NUGGC: variants seen among roughly 807,000 people sequenced by gnomAD.
NUGGC encodes nuclear GTPase SLIP-GC.
NUGGC carries 58 observed loss-of-function variants against 92.6 expected under a neutral mutation model. The observed-to-expected ratio is 0.63, with a 90% CI of 0.51 to 0.78. The LOEUF (loss-of-function observed/expected upper bound fraction) is 0.78, where lower values mean the gene tolerates loss of function less well. NUGGC is among the 30% of genes least tolerant of loss of function. The pLI is 0.00. For synonymous variants in NUGGC, 376 were observed against 366.4 expected, an observed-to-expected ratio of 1.03 and a Z score of -0.30; for missense variants, 925 against 964.6, an observed-to-expected ratio of 0.96 and a Z score of 0.54.
At chr8:28,070,227 A>G (rs754534520) in intron 3 of NUGGC, 25 bp downstream of exon 3, 1 of 1,526,432 alleles carries the variant, frequency 6.6e-7, no homozygotes, top group Non-Finnish European at 8.9e-7. Flanking sequence ...GAACCATGTT[A>G]AAACAACAGT....
In NUGGC at chr8:28,022,062, T is replaced by C. The variant is rs772866878; in HGVS notation, c.*1255A>G. 1.8e-4 allele frequency: 27 copies of C among 152,042 alleles called. No individual in the cohort carries two copies. The highest frequency in any genetic ancestry group is 1.1e-3 in the Admixed American group (17 of 15,276). The allele number at this position is 152,042 out of a possible 1,614,324, so 9.4% of individuals were successfully genotyped here. On this transcript the variant is annotated 3_prime_UTR_variant, in exon 19 of 19. Transcript: ENST00000413272. ...TTATTGAAGGATGAATTTCTTTTTATGGCTTGTTTTATATCGTGCAATGTT... is the reference window on the plus strand; with the variant it reads ...TTATTGAAGGATGAATTTCTTTTTACGGCTTGTTTTATATCGTGCAATGTT...
At chr8:28,036,532 G>A (rs1315615820) in intron 13 of NUGGC, among the ~76,000 whole-genome samples, 2 of 152,270 alleles carry the variant, frequency 1.3e-5, no homozygotes, top group East Asian at 3.9e-4. Context: ...CCATGAAACA[G>A]TAAATACATA....
Position 28,045,610 on chromosome 8 carries a change from T to C in NUGGC, c.1363A>G (p.Lys455Glu). ...GTCACATACTTGGTCACTGTCCTCTTCTTCTTGTCCAAGAGGCTCTTCCTG... is the reference window on the plus strand; with the variant it reads ...GTCACATACTTGGTCACTGTCCTCTCCTTCTTGTCCAAGAGGCTCTTCCTG... ...YIRKSLLDKK[K>E]RTVTKYVTEA... is the part of the protein sequence containing the mutation. Residue 455 changes from lysine (K) to glutamate (E), a missense_variant, in exon 12 of 19, where the codon AAG becomes GAG. Lys to Glu is a moderately conservative substitution (Grantham distance 56). Coordinates refer to ENST00000413272, the MANE Select transcript of NUGGC (RefSeq NM_001010906.2). The C allele has an allele frequency of 6.2e-7, 1 of 1,613,288 alleles. No individual in the cohort carries two copies. The highest frequency in any genetic ancestry group is 8.5e-7 in the Non-Finnish European group (1 of 1,179,698).
At chr8:28,056,791 T>G (rs1585582832) in intron 9 of NUGGC, among the ~76,000 whole-genome samples, 1 of 152,200 alleles carries the variant, frequency 6.6e-6, no homozygotes, top group Admixed American at 6.5e-5. Flanking sequence ...CATGGCACCA[T>G]TGGCAGTCAA....
At chr8:28,049,146 C>G (rs1809924339) in intron 10 of NUGGC, among the ~76,000 whole-genome samples, 1 of 152,194 alleles carries the variant, frequency 6.6e-6, no homozygotes, top group South Asian at 2.1e-4. Context: ...TTGCAGTCCA[C>G]TGGGACTGGT....
At chr8:28,038,194 C>T (rs1809604672) in intron 13 of NUGGC, among the ~76,000 whole-genome samples, 5 of 152,140 alleles carry the variant, frequency 3.3e-5, no homozygotes, top group Non-Finnish European at 1.5e-5. Context: ...TTCCAGCCTG[C>T]CACAGCCCCC....
At chr8:28,029,962 A>G in intron 16 of NUGGC, among the ~76,000 whole-genome samples, 1 of 152,218 alleles carries the variant, frequency 6.6e-6, no homozygotes, top group East Asian at 1.9e-4. Context: ...CCACCAAAAC[A>G]GGAAAGAGCC....
chr8:28,070,055 A>G (rs1810547261), intron 3 of NUGGC, 197 bp downstream of exon 3: 1 of 971,154 alleles, frequency 1.0e-6, no homozygotes, highest in Non-Finnish European at 1.2e-6. Context: ...TTTGATAACA[A>G]CCCTCCTGCC....
chr8:28,074,665 G>T (rs569833285), intron 1 of NUGGC, among the ~76,000 whole-genome samples: 1 of 152,146 alleles, frequency 6.6e-6, no homozygotes, highest in Non-Finnish European at 1.5e-5. Context: ...TAGGCCAGGC[G>T]CAGTGGCTCA....
chr8:28,037,478 T>C (rs911820843), intron 13 of NUGGC, among the ~76,000 whole-genome samples: 1 of 152,084 alleles, frequency 6.6e-6, no homozygotes, highest in Non-Finnish European at 1.5e-5. Flanking sequence ...CAACCTCCTC[T>C]CTAGAAGGTT....
rs745317360 is a variant in NUGGC at position 28,060,532 on chromosome 8, C to T, written c.991G>A (p.Glu331Lys). 9.3e-6 allele frequency: 15 copies of T among 1,613,706 alleles called. No homozygotes were observed. Among genetic ancestry groups the T allele is most frequent in the East Asian group, 6.7e-5 (3 of 44,874 alleles). Reference protein sequence around the residue: ...IERVSGGQAHEDLLNESIKAC... With the variant: ...IERVSGGQAHKDLLNESIKAC... ...TTGATGCTCTCATTCAGAAGGTCTTCGTGGGCTTGCCCCCCAGAAACTCGC... is the reference window on the plus strand; with the variant it reads ...TTGATGCTCTCATTCAGAAGGTCTTTGTGGGCTTGCCCCCCAGAAACTCGC... Residue 331 changes from glutamate to lysine, a missense_variant, in exon 8 of 19, where the codon GAA becomes AAA. By Grantham distance (56) the Glu-to-Lys change is moderately conservative. Coordinates refer to ENST00000413272, the MANE Select transcript of NUGGC (RefSeq NM_001010906.2).
chr8:28,067,115 C>T (rs1428920122), intron 6 of NUGGC, among the ~76,000 whole-genome samples: 1 of 152,160 alleles, frequency 6.6e-6, no homozygotes, highest in Non-Finnish European at 1.5e-5. Flanking sequence ...CAAAGGGAGC[C>T]AGAGATGCTG....
At chr8:28,060,806 C>T (rs1810284787) in intron 7 of NUGGC, among the ~76,000 whole-genome samples, 1 of 152,202 alleles carries the variant, frequency 6.6e-6, no homozygotes, top group Admixed American at 6.5e-5. Flanking sequence ...CAGCCTCTGC[C>T]TAGCCCCCAT....
chr8:28,063,172 G>T (rs1192686072), intron 7 of NUGGC, among the ~76,000 whole-genome samples: 1 of 152,174 alleles, frequency 6.6e-6, no homozygotes, highest in Non-Finnish European at 1.5e-5. Flanking sequence ...GCAGAGGGGG[G>T]TCTTGAGTAA....
At chr8:28,064,076 C>G (rs901286732) in intron 7 of NUGGC, among the ~76,000 whole-genome samples, 1 of 152,192 alleles carries the variant, frequency 6.6e-6, no homozygotes, top group African/African-American at 2.4e-5. Flanking sequence ...CCCATTCACC[C>G]AGGAAGATTC....
chr8:28,059,752 T>G (rs755402065), intron 8 of NUGGC, among the ~76,000 whole-genome samples: 2 of 152,142 alleles, frequency 1.3e-5, no homozygotes, highest in African/African-American at 2.4e-5. Context: ...CTGGGTGCAG[T>G]GGCTCACACC....
intron 10 of NUGGC, among the ~76,000 whole-genome samples, chr8:28,047,982 C>A (rs2130151116): frequency 6.6e-6 from 1 of 152,324 alleles, no homozygotes; most frequent in South Asian, 2.1e-4. Context: ...CTGCAGCCAG[C>A]TCGTACCAGC....
intron 12 of NUGGC, among the ~76,000 whole-genome samples, chr8:28,043,343 T>C (rs978476887): frequency 4.6e-5 from 7 of 152,206 alleles, no homozygotes; most frequent in Non-Finnish European, 7.3e-5. Context: ...AAATAATGAT[T>C]GCTCATTTAA....
intron 10 of NUGGC, among the ~76,000 whole-genome samples, chr8:28,048,941 G>A (rs1047018401): frequency 6.6e-6 from 1 of 151,350 alleles, no homozygotes; most frequent in Non-Finnish European, 1.5e-5. Flanking sequence ...ACAGTGTCGT[G>A]GAGAAGTCAT....
Sources: allele counts gnomAD v4.1 joint callset (sites outside exome capture counted in the v4.1 genomes callset), GRCh38; gene constraint gnomAD v4.1.1; transcripts MANE v1.5; gene names NCBI Gene and HGNC (gene_info 2026-07-23, HGNC 2026-07-21).